The following MBNL2 variants were observed in gnomAD, a reference collection of about 807,000 sequenced individuals.
MBNL2 encodes the protein muscleblind like splicing regulator 2.
A neutral mutation model predicts 41.9 loss-of-function variants in MBNL2; 17 were observed. That is an observed-to-expected ratio of 0.41 (90% confidence interval 0.28 to 0.61). The LOEUF is 0.61. Among genes scored for constraint, MBNL2 ranks in the 20% least tolerant of loss-of-function variants. The pLI, the probability that MBNL2 is intolerant of heterozygous loss-of-function variation, is 0.35. For missense variants in MBNL2, 336 were observed against 505.6 expected, an observed-to-expected ratio of 0.66 and a Z score of 3.22; for synonymous variants, 195 against 182.9, an observed-to-expected ratio of 1.07 and a Z score of -0.53.
At chr13:97,184,220 T>C in the MBNL2 span, among the ~76,000 whole-genome samples, 1 of 152,204 alleles carries the variant, frequency 6.6e-6, no homozygotes, top group Non-Finnish European at 1.5e-5. Context: ...AGTATCAATT[T>C]AGGAAATTCT....
At chr13:97,298,992 G>C (rs1012465527) in intron 2 of MBNL2, among the ~76,000 whole-genome samples, 2 of 152,148 alleles carry the variant, frequency 1.3e-5, no homozygotes, top group Admixed American at 6.5e-5. Context: ...AATGATCATA[G>C]TGAAGAGAAT....
At chr13:97,177,342 A>G in the MBNL2 span, among the ~76,000 whole-genome samples, 113 of 152,336 alleles carry the variant, frequency 7.4e-4, no homozygotes, top group Non-Finnish European at 1.5e-3. Context: ...CTCTGTCTCC[A>G]AAGAAAAAAG....
At chr13:97,352,851 C>T (rs900366925) in intron 5 of MBNL2, among the ~76,000 whole-genome samples, 4 of 152,212 alleles carry the variant, frequency 2.6e-5, no homozygotes, top group Non-Finnish European at 4.4e-5. Flanking sequence ...ATTTCATCTG[C>T]CTGTTTCCTC....
chr13:97,167,914 T>C, the MBNL2 span, among the ~76,000 whole-genome samples: 2 of 152,306 alleles, frequency 1.3e-5, no homozygotes, highest in East Asian at 3.9e-4. Context: ...ATCAACACAC[T>C]TGGTAACAAG....
intron 6 of MBNL2, 119 bp downstream of exon 6, chr13:97,356,968 C>T (rs2063043464): frequency 2.1e-6 from 1 of 485,462 alleles, no homozygotes; most frequent in Admixed American, 3.5e-5. Context: ...TGGAAAAAAT[C>T]CAATAAGGTG....
At position 97,366,422 on chromosome 13, in the gene MBNL2, C is replaced by T. The variant is rs757088770; in HGVS notation, c.1048+1251C>T. On this transcript the variant is annotated intron_variant, in intron 8 of 8. Coordinates refer to ENST00000679496, the MANE Select transcript of MBNL2 (RefSeq NM_001382683.1). The surrounding 1 kb of genome is among the most constrained non-coding windows in gnomAD (Gnocchi z 4.7). ...ACTTCTATTACCATAATGCTACACC[C>T]TCCTGTTCATTGCTCCCATGGTTCC... 1.5e-5 allele frequency: 14 copies of T among 956,086 alleles called. No homozygotes were observed. Among genetic ancestry groups the T allele is most frequent in the South Asian group, 1.5e-4 (11 of 75,750 alleles). 59.2% of individuals were successfully genotyped at this position (956,086 alleles called of 1,614,324 possible).
chr13:97,281,057 A>G (rs2053298212), intron 2 of MBNL2, among the ~76,000 whole-genome samples: 1 of 152,132 alleles, frequency 6.6e-6, no homozygotes, highest in Admixed American at 6.5e-5. Context: ...GTGGATAGGG[A>G]CTATGTCTGT....
At chr13:97,165,058 G>A in the MBNL2 span, among the ~76,000 whole-genome samples, 18 of 152,106 alleles carry the variant, frequency 1.2e-4, no homozygotes, top group Non-Finnish European at 2.6e-4. Context: ...ACAAAAATTA[G>A]CCAGGCATGG....
the MBNL2 span, among the ~76,000 whole-genome samples, chr13:97,160,555 G>GAC: frequency 3.9e-5 from 6 of 152,014 alleles, no homozygotes; most frequent in Admixed American, 6.6e-5. Flanking sequence ...GAGGCACCTA[G>GAC]ACACGCACAC....
In MBNL2 at chr13:97,385,128, T is replaced by A. The variant is rs560818446; in HGVS notation, c.1049-6194T>A. ...TTGATGCCAGCATTGTGGCACTGTG[T>A]CTTCAATGACTTCAATTTATTTAGC... is the stretch of plus-strand genomic sequence containing the variant. On this transcript the variant is annotated intron_variant, in intron 8 of 8. Transcript: ENST00000679496. 2.6e-5 allele frequency among the ~76,000 whole-genome samples: 4 copies of A among 152,324 alleles called. No individual in the cohort carries two copies. The East Asian group carries it at 7.7e-4, about 29-fold the overall frequency.
intron 1 of MBNL2, among the ~76,000 whole-genome samples, chr13:97,227,341 T>C (rs2041795931): frequency 6.6e-6 from 1 of 152,126 alleles, no homozygotes; most frequent in South Asian, 2.1e-4. Context: ...GGGTGGTACA[T>C]GACCTCAGAG....
chr13:97,160,561 C>T, the MBNL2 span, among the ~76,000 whole-genome samples: 27 of 151,880 alleles, frequency 1.8e-4, 1 homozygote, highest in Admixed American at 1.5e-3. Context: ...CCTAGACACG[C>T]ACACACACAC....
At chr13:97,141,906 A>G in the MBNL2 span, among the ~76,000 whole-genome samples, 1 of 152,198 alleles carries the variant, frequency 6.6e-6, no homozygotes, top group Non-Finnish European at 1.5e-5. Context: ...ACATTCACCC[A>G]GGTAGAGGAA....
At chr13:97,329,552 C>T (rs1315765628) in intron 2 of MBNL2, among the ~76,000 whole-genome samples, 4 of 90,980 alleles carry the variant, frequency 4.4e-5, no homozygotes, top group Non-Finnish European at 9.4e-5. Flanking sequence ...TGCGTGCCTG[C>T]CCCTAGATGG....
At chr13:97,351,787 G>A (rs192255372) in intron 5 of MBNL2, among the ~76,000 whole-genome samples, 20 of 152,264 alleles carry the variant, frequency 1.3e-4, no homozygotes, top group African/African-American at 4.8e-4. Context: ...ACTTTGCGGG[G>A]CAGAGGTGGG....
At chr13:97,310,782 C>CTTT (rs11345201) in intron 2 of MBNL2, among the ~76,000 whole-genome samples, 5,948 of 135,884 alleles carry the variant, frequency 0.044, 403 homozygotes, top group African/African-American at 0.15. Context: ...AATTCAGCAT[C>CTTT]TTTTTTTTTT....
chr13:97,329,117 A>G (rs994694623), intron 2 of MBNL2, among the ~76,000 whole-genome samples: 1 of 152,138 alleles, frequency 6.6e-6, no homozygotes, highest in African/African-American at 2.4e-5. Context: ...CAACATGAGT[A>G]TTCTGTATTA....
chr13:97,343,267 T>A, intron 4 of MBNL2, 51 bp downstream of exon 4: 1 of 1,335,588 alleles, frequency 7.5e-7, no homozygotes, highest in Non-Finnish European at 1.0e-6. Context: ...AGAAATATAC[T>A]TCTGTGTAAG....
the MBNL2 span, among the ~76,000 whole-genome samples, chr13:97,209,821 G>C: frequency 3.3e-5 from 5 of 152,240 alleles, 1 homozygote; most frequent in African/African-American, 1.2e-4. Flanking sequence ...TTTGAGGCAA[G>C]ATCTTGCTCT....
Sources: gnomAD v4.1 joint callset for allele counts (sites outside exome capture counted in the v4.1 genomes callset) on GRCh38, gnomAD v4.1.1 for gene constraint, Gnocchi (gnomAD v3.1) non-coding constraint, MANE v1.5 for transcripts, NCBI Gene and HGNC (gene_info 2026-07-23, HGNC 2026-07-21) for gene names.